Variants in TPST1 observed in about 807,000 individuals in gnomAD.
The protein encoded by TPST1 is tyrosylprotein sulfotransferase 1.
In TPST1, 20 loss-of-function variants were observed where a neutral mutation model predicts 34.8. The ratio of observed to expected loss-of-function variants is 0.57; its 90% confidence interval spans 0.40 to 0.84. The LOEUF (loss-of-function observed/expected upper bound fraction) is 0.84. TPST1 is among the 40% of genes least tolerant of loss of function. TPST1 has a pLI of 0.00. For synonymous variants in TPST1, 152 were observed against 159.4 expected (o/e 0.95, Z 0.35); for missense variants, 353 against 455.5 (o/e 0.78, Z 2.05).
At chr7:66,298,056 T>C (rs1159207465) in intron 3 of TPST1, among the ~76,000 whole-genome samples, 2 of 152,206 alleles carry the variant, frequency 1.3e-5, no homozygotes, top group African/African-American at 2.4e-5. Context: ...CAGAGAACAC[T>C]CATTATGGTT....
intron 5 of TPST1, chr7:66,359,161 A>T (rs961963535): frequency 6.8e-6 from 1 of 148,002 alleles, no homozygotes; most frequent in Non-Finnish European, 1.5e-5. Flanking sequence ...CATGAGGAGG[A>T]ATCAGGGTGC....
At chr7:66,268,674 G>A (rs538379861) in intron 2 of TPST1, among the ~76,000 whole-genome samples, 1 of 152,000 alleles carries the variant, frequency 6.6e-6, no homozygotes, top group Non-Finnish European at 1.5e-5. Context: ...CATAAAGGAT[G>A]AGGAAAGAGA....
chr7:66,208,542 C>G (rs534534930), intron 1 of TPST1, among the ~76,000 whole-genome samples: 1 of 151,908 alleles, frequency 6.6e-6, no homozygotes, highest in South Asian at 2.1e-4. Context: ...CATCTTAGTT[C>G]GCTGCAACCT....
intron 3 of TPST1, among the ~76,000 whole-genome samples, chr7:66,307,285 T>A (rs1292898052): frequency 6.6e-6 from 1 of 151,770 alleles, no homozygotes; most frequent in Non-Finnish European, 1.5e-5. Context: ...GCCCGGCTAG[T>A]TTTTTTGTAT....
intron 2 of TPST1, among the ~76,000 whole-genome samples, chr7:66,265,336 G>C (rs1310317567): frequency 2.0e-5 from 3 of 152,058 alleles, no homozygotes; most frequent in Admixed American, 6.6e-5. Context: ...GGTCTCTTGA[G>C]CCCAAGAGTT....
At position 66,308,214 on chromosome 7, in the gene TPST1, C is replaced by G. The variant is rs1791461660; in HGVS notation, c.1044+21505C>G. On this transcript the variant is annotated intron_variant, in intron 3 of 5. Transcript: ENST00000304842. ...TAAATCCTAGTAGCAAGCAAGGGCTCTTTCTCAAAAGGGAGAGTAATGATC... is the reference window on the plus strand; with the variant it reads ...TAAATCCTAGTAGCAAGCAAGGGCTGTTTCTCAAAAGGGAGAGTAATGATC... 1.3e-5 allele frequency among the ~76,000 whole-genome samples: 2 copies of G among 152,286 alleles called. 1 individual carries two copies.
intron 1 of TPST1, among the ~76,000 whole-genome samples, chr7:66,222,340 C>T (rs1789559913): frequency 1.3e-5 from 2 of 150,628 alleles, no homozygotes; most frequent in Admixed American, 6.6e-5. Flanking sequence ...GAGCTGAGAT[C>T]GTGCCACTGC....
intron 2 of TPST1, among the ~76,000 whole-genome samples, chr7:66,274,664 G>A (rs1214202128): frequency 2.0e-5 from 3 of 152,040 alleles, no homozygotes; most frequent in African/African-American, 7.2e-5. Context: ...CTATAGAATG[G>A]GTTGATATAT....
intron 1 of TPST1, among the ~76,000 whole-genome samples, chr7:66,223,709 C>T (rs1200328677): frequency 6.6e-6 from 1 of 152,018 alleles, no homozygotes; most frequent in Admixed American, 6.6e-5. Context: ...TGTTTTATTT[C>T]ATTTTAACTC....
chr7:66,354,760 G>A (rs889465019), intron 4 of TPST1, among the ~76,000 whole-genome samples: 3 of 152,092 alleles, frequency 2.0e-5, no homozygotes, highest in Admixed American at 1.3e-4. Flanking sequence ...CAGCACTTTG[G>A]GAGGCAGGCA....
rs1012952652 is a variant in TPST1, at chr7:66,332,382, C to G, written c.1045-20123C>G. On this transcript the variant is annotated intron_variant, in intron 3 of 5. Coordinates refer to ENST00000304842, the MANE Select transcript of TPST1 (RefSeq NM_003596.4). This position sits in a 1 kb window ranked among gnomAD's most constrained non-coding sequence, Gnocchi z 4.5. ...TCCTGAGTTCAAGCGATTCTCCTGCCTCAGCCTCCCGAGTAGCTGGGATTA... is the reference window on the plus strand; with the variant it reads ...TCCTGAGTTCAAGCGATTCTCCTGCGTCAGCCTCCCGAGTAGCTGGGATTA... Among the ~76,000 whole-genome samples the G allele has an allele frequency of 2.6e-5, 4 of 152,012 alleles. No homozygotes were observed. Among genetic ancestry groups the G allele is most frequent in the African/African-American group, 9.7e-5 (4 of 41,390 alleles).
At position 66,304,599 on chromosome 7, in the gene TPST1, A is replaced by G. The variant is rs147996046; in HGVS notation, c.1044+17890A>G. Among the ~76,000 whole-genome samples, 414 of 152,254 alleles carry G rather than the reference A, an allele frequency of 2.7e-3. 7 individuals are homozygous for G. The East Asian group carries it at 0.03, about 11-fold the overall frequency. ...GCTTACATACACACCTACTTAAACC[A>G]TATTTAACTGCCAGATAAAGCTAAA... On this transcript the variant is annotated intron_variant, in intron 3 of 5. Coordinates refer to ENST00000304842, the MANE Select transcript of TPST1 (RefSeq NM_003596.4).
chr7:66,272,732 A>AC (rs1249113659), intron 2 of TPST1, among the ~76,000 whole-genome samples: 1 of 151,908 alleles, frequency 6.6e-6, no homozygotes, highest in Non-Finnish European at 1.5e-5. Flanking sequence ...GACTACAGGC[A>AC]CATACCCTCA....
At chr7:66,312,745 G>T (rs1267972737) in intron 3 of TPST1, among the ~76,000 whole-genome samples, 2 of 152,100 alleles carry the variant, frequency 1.3e-5, no homozygotes, top group African/African-American at 4.8e-5. Context: ...TCAAATTAAT[G>T]ATAGGGAGAG....
intron 3 of TPST1, among the ~76,000 whole-genome samples, chr7:66,310,069 A>G (rs1791501375): frequency 6.6e-6 from 1 of 152,186 alleles, no homozygotes; most frequent in Non-Finnish European, 1.5e-5. Context: ...GGTAGTCTTG[A>G]ACTCTCACAG....
chr7:66,316,661 A>G (rs573514097), intron 3 of TPST1, among the ~76,000 whole-genome samples: 69 of 152,354 alleles, frequency 4.5e-4, no homozygotes, highest in Non-Finnish European at 7.8e-4. Context: ...ATTTTATTGT[A>G]ACATACGGAC....
intron 2 of TPST1, among the ~76,000 whole-genome samples, chr7:66,244,095 C>T (rs531112636): frequency 4.4e-4 from 66 of 151,722 alleles, no homozygotes; most frequent in African/African-American, 1.2e-3. Context: ...ACTATAGGTG[C>T]CCCCCACCAC....
intron 2 of TPST1, among the ~76,000 whole-genome samples, chr7:66,266,733 G>T (rs573220702): frequency 1.3e-5 from 2 of 152,302 alleles, no homozygotes; most frequent in South Asian, 4.1e-4. Context: ...CATACAACAT[G>T]GTTGAAGCTC....
At position 66,295,008 on chromosome 7, in the gene TPST1, T is replaced by G. The variant is rs1033531914; in HGVS notation, c.1044+8299T>G. On this transcript the variant is annotated intron_variant, in intron 3 of 5. Transcript: ENST00000304842. Reference sequence around the variant, plus strand: ...AATCAACAAACAAAATACATTTCCCTGGTAGATGTTCTACAATTGATTTTA... The same window carrying G: ...AATCAACAAACAAAATACATTTCCCGGGTAGATGTTCTACAATTGATTTTA... Among the ~76,000 whole-genome samples the G allele has an allele frequency of 3.2e-4, 48 of 152,226 alleles. 1 individual carries two copies. Among genetic ancestry groups the G allele is most frequent in the Admixed American group, 2.7e-3 (42 of 15,284 alleles).
Sources: gnomAD v4.1 joint callset for allele counts (sites outside exome capture counted in the v4.1 genomes callset) on GRCh38, gnomAD v4.1.1 for gene constraint, Gnocchi (gnomAD v3.1) non-coding constraint, MANE v1.5 for transcripts, NCBI Gene and HGNC (gene_info 2026-07-23, HGNC 2026-07-21) for gene names.